BCL2L11: variants seen among roughly 807,000 people sequenced by gnomAD.
BCL2L11 encodes BCL2 like 11.
BCL2L11 carries 15 observed loss-of-function variants against 20.6 expected under a neutral mutation model. The ratio of observed to expected loss-of-function variants is 0.73; its 90% confidence interval spans 0.49 to 1.12. The LOEUF (loss-of-function observed/expected upper bound fraction) is 1.12, where lower values mean the gene tolerates loss of function less well. Ranked by LOEUF, BCL2L11 falls within the 50% of genes most tolerant of loss-of-function variation. The probability of loss-of-function intolerance (pLI) is 0.00; values close to 1 mark genes in which losing one functional copy is unlikely to be tolerated. For missense variants in BCL2L11, 292 were observed against 260.9 expected (o/e 1.12, Z -0.82); for synonymous variants, 108 against 92.8 (o/e 1.16, Z -0.94).
chr2:111,151,441 C>G (rs1256091328), intron 3 of BCL2L11, among the ~76,000 whole-genome samples: 1 of 151,418 alleles, frequency 6.6e-6, no homozygotes, highest in East Asian at 1.9e-4. Flanking sequence ...TTATTCTTAC[C>G]CCTTCTCTTT....
chr2:111,151,933 A>C, intron 3 of BCL2L11: 1 of 1,459,380 alleles, frequency 6.9e-7, no homozygotes, highest in Non-Finnish European at 9.4e-7. Context: ...ATAACTTGTC[A>C]CTGAAGTAAC....
chr2:111,149,894 A>G, intron 2 of BCL2L11, 150 bp from the exon 3 acceptor site: 1 of 585,206 alleles, frequency 1.7e-6, no homozygotes, highest in Admixed American at 3.2e-5. Context: ...TCTAATCTTT[A>G]GTACATGGCT....
In BCL2L11 at chr2:111,126,199, AT is replaced by A. The variant is rs1175323434; in HGVS notation, c.394+2061del. Among the ~76,000 whole-genome samples, 4 of 152,300 alleles carry A rather than the reference AT, an allele frequency of 2.6e-5. No individual in the cohort carries two copies. The East Asian group carries it at 7.8e-4, about 30-fold the overall frequency. On this transcript the variant is annotated intron_variant, in intron 2 of 3. Transcript: ENST00000393256. ...AGTGGGTGAGATAGTGTATTTTTTA[AT>A]GTAAAGACAGGCACAAATGCTTTTT...
At chr2:111,156,167 T>A (rs2077826285) in intron 3 of BCL2L11, among the ~76,000 whole-genome samples, 1 of 151,440 alleles carries the variant, frequency 6.6e-6, no homozygotes, top group Admixed American at 6.6e-5. Flanking sequence ...AAACGTGTGT[T>A]CTCAGCGTAC....
chr2:111,152,300 G>A (rs1448778954), intron 3 of BCL2L11, among the ~76,000 whole-genome samples: 6 of 152,242 alleles, frequency 3.9e-5, no homozygotes, highest in Non-Finnish European at 8.8e-5. Context: ...GGCTGCCTGA[G>A]AGAAAGAGGT....
At chr2:111,142,528 C>G (rs977920324) in intron 2 of BCL2L11, 12 of 683,388 alleles carry the variant, frequency 1.8e-5, no homozygotes, top group African/African-American at 9.1e-5. Context: ...AATTGTACTT[C>G]ACTTTGTATA....
In BCL2L11 at chr2:111,123,806, C is replaced by G; in HGVS notation, c.61C>G (p.Pro21Ala). The G allele has an allele frequency of 1.3e-6, 2 of 1,486,088 alleles. No individual in the cohort carries two copies. Among genetic ancestry groups the G allele is most frequent in the Non-Finnish European group, 1.8e-6 (2 of 1,116,680 alleles). The allele number at this position is 1,486,088 out of a possible 1,614,324, so 92.1% of individuals were successfully genotyped here. Residue 21 changes from proline to alanine, a missense_variant, in exon 2 of 4, where the codon CCT becomes GCT. By Grantham distance (27) the Pro-to-Ala change is conservative. Transcript: ENST00000393256. ...ECDREGRQLQ[P>A]AERPPQLRPG... ...TGACCGAGAAGGTAGACAATTGCAG[C>G]CTGCGGAGAGGCCTCCCCAGCTCAG...
chr2:111,147,344 TCTCACA>T lies in BCL2L11; in HGVS notation c.395-2698_395-2693del, dbSNP rs758783669. ...CCTCCTGTATCTCTCTCTCTCTCTC[TCTCACA>T]CACACACACACACACACACACACAC... is the stretch of plus-strand genomic sequence containing the variant. On this transcript the variant is annotated intron_variant, in intron 2 of 3. Transcript: ENST00000393256. Among the ~76,000 whole-genome samples the T allele has an allele frequency of 1.5e-3, 201 of 132,662 alleles. 1 individual carries two copies. The highest frequency in any genetic ancestry group is 2.4e-3 in the Non-Finnish European group (147 of 61,784). The allele number at this position is 132,662 out of a possible 152,430, so 87.0% of individuals were successfully genotyped here. A position where few individuals can be genotyped will look rare whatever the true frequency, so the allele number is the denominator to read the frequency against.
At chr2:111,164,096 A>AT in intron 3 of BCL2L11, 37 bp from the exon 4 acceptor site, 1 of 679,942 alleles carries the variant, frequency 1.5e-6, no homozygotes, top group Non-Finnish European at 2.6e-6. Context: ...CCCCCAAATT[A>AT]GGGAGAAACT....
chr2:111,151,052 C>T (rs2077195153), intron 3 of BCL2L11, among the ~76,000 whole-genome samples: 1 of 152,128 alleles, frequency 6.6e-6, no homozygotes, highest in Non-Finnish European at 1.5e-5. Context: ...TTACAGGCGC[C>T]TGCAACCACA....
At chr2:111,122,497 C>T (rs1172906087) in intron 1 of BCL2L11, among the ~76,000 whole-genome samples, 2 of 152,238 alleles carry the variant, frequency 1.3e-5, no homozygotes, top group African/African-American at 4.8e-5. Context: ...GACCCGTAGG[C>T]GCCGCCCCCA....
chr2:111,133,089 A>G (rs1051447350), intron 2 of BCL2L11, among the ~76,000 whole-genome samples: 1 of 152,228 alleles, frequency 6.6e-6, no homozygotes, highest in African/African-American at 2.4e-5. Flanking sequence ...GCAAATAACT[A>G]TATTGCCATA....
chr2:111,164,071 T>TGCC, intron 3 of BCL2L11, 62 bp from the exon 4 acceptor site: 17 of 664,714 alleles, frequency 2.6e-5, no homozygotes, highest in East Asian at 6.5e-5. Flanking sequence ...AAATATGGGC[T>TGCC]CCCACCCCTC....
At chr2:111,143,661 C>T (rs1276621238) in intron 2 of BCL2L11, among the ~76,000 whole-genome samples, 2 of 152,154 alleles carry the variant, frequency 1.3e-5, no homozygotes, top group African/African-American at 4.8e-5. Flanking sequence ...GGCTCCTGCT[C>T]AGGTCTCCCA....
intron 2 of BCL2L11, among the ~76,000 whole-genome samples, chr2:111,137,843 A>T (rs1025466017): frequency 1.1e-4 from 16 of 151,882 alleles, no homozygotes; most frequent in Admixed American, 5.2e-4. Context: ...TGTTGGCCTG[A>T]TGTTAAGTTT....
intron 3 of BCL2L11, among the ~76,000 whole-genome samples, chr2:111,163,861 C>CTTTTT (rs10547953): frequency 2.9e-5 from 3 of 104,716 alleles, no homozygotes; most frequent in Non-Finnish European, 5.8e-5. Context: ...TTTTTGAGTG[C>CTTTTT]TTTTTTTTTT....
At chr2:111,122,076 C>T (rs1352680047) in intron 1 of BCL2L11, among the ~76,000 whole-genome samples, 1 of 152,188 alleles carries the variant, frequency 6.6e-6, no homozygotes, top group African/African-American at 2.4e-5. Context: ...ACTCGATGGT[C>T]GCGGACGTGC....
At chr2:111,158,402 C>T (rs769477059) in intron 3 of BCL2L11, among the ~76,000 whole-genome samples, 1 of 152,122 alleles carries the variant, frequency 6.6e-6, no homozygotes, top group African/African-American at 2.4e-5. Context: ...CCATCCCAGG[C>T]CCTCTCTTCT....
intron 2 of BCL2L11, among the ~76,000 whole-genome samples, chr2:111,133,039 G>A (rs1355849517): frequency 1.3e-5 from 2 of 152,124 alleles, no homozygotes; most frequent in Admixed American, 1.3e-4. Flanking sequence ...GTCTATTTTG[G>A]TGACTGAACA....
Sources: allele counts gnomAD v4.1 joint callset (sites outside exome capture counted in the v4.1 genomes callset), GRCh38; gene constraint gnomAD v4.1.1; transcripts MANE v1.5; gene names NCBI Gene and HGNC (gene_info 2026-07-23, HGNC 2026-07-21).